Variants in PBX4 observed in about 807,000 individuals in gnomAD.
The protein encoded by PBX4 is PBX homeobox 4.
In PBX4, 26 loss-of-function variants were observed where a neutral mutation model predicts 35.1. That is an observed-to-expected ratio of 0.74 (90% confidence interval 0.54 to 1.03). The LOEUF is 1.03. PBX4 is among the 50% of genes least tolerant of loss of function. The pLI is 0.00. For missense variants in PBX4, 448 were observed against 504.3 expected (o/e 0.89, Z 1.07); for synonymous variants, 199 against 204.2 (o/e 0.97, Z 0.22).
chr19:19,574,877 G>C (rs1022866665), intron 2 of PBX4, among the ~76,000 whole-genome samples: 5 of 151,886 alleles, frequency 3.3e-5, no homozygotes, highest in African/African-American at 1.2e-4. Context: ...TAGAGACGGG[G>C]TTTCACCATG....
chr19:19,578,279 C>A (rs944790964), intron 2 of PBX4, among the ~76,000 whole-genome samples: 1 of 152,148 alleles, frequency 6.6e-6, no homozygotes, highest in Non-Finnish European at 1.5e-5. Flanking sequence ...AAACGCTGTG[C>A]CTTGGTCACC....
chr19:19,579,774 T>C (rs1271402993), intron 2 of PBX4: 1 of 152,394 alleles, frequency 6.6e-6, no homozygotes, highest in Non-Finnish European at 1.5e-5. Flanking sequence ...TGGAATTACA[T>C]AGAACCGCAG....
At chr19:19,599,045 C>T (rs1027698321) in intron 2 of PBX4, among the ~76,000 whole-genome samples, 2 of 151,496 alleles carry the variant, frequency 1.3e-5, no homozygotes, top group East Asian at 3.9e-4. Flanking sequence ...CTTGGCTCAC[C>T]GCAACCTCCA....
rs1038867805 is a variant in PBX4, at chr19:19,561,943, T to G, written c.*82A>C. On this transcript the variant is annotated 3_prime_UTR_variant, in exon 8 of 8. Coordinates refer to ENST00000251203, the MANE Select transcript of PBX4 (RefSeq NM_025245.3). ...CACCCATCTGGGTTTTCTGAGGTCG[T>G]CGGCGGCACGTTCAGTAACAAAGCA... 9.5e-6 allele frequency: 12 copies of G among 1,266,248 alleles called. No homozygotes were observed. The highest frequency in any genetic ancestry group is 5.6e-5 in the East Asian group (2 of 35,856). 78.4% of individuals were successfully genotyped at this position (1,266,248 alleles called of 1,614,324 possible).
chr19:19,613,587 G>T (rs1019072976), intron 1 of PBX4, among the ~76,000 whole-genome samples: 1 of 152,094 alleles, frequency 6.6e-6, no homozygotes. Flanking sequence ...CCTGAGGAAG[G>T]CCACATCTGA....
At chr19:19,565,120 T>G in intron 5 of PBX4, 31 bp from the exon 6 acceptor site, 1 of 1,613,586 alleles carries the variant, frequency 6.2e-7, no homozygotes, top group Non-Finnish European at 8.5e-7. Flanking sequence ...CTGGAGGAGC[T>G]GACCCAGCGA....
At chr19:19,571,693 G>C (rs977926099) in intron 2 of PBX4, among the ~76,000 whole-genome samples, 3 of 152,142 alleles carry the variant, frequency 2.0e-5, no homozygotes, top group Admixed American at 6.5e-5. Flanking sequence ...ATTCTCCCAA[G>C]TAAAAAGCCT....
At position 19,563,597 on chromosome 19, in the gene PBX4, G is replaced by T. The variant is rs1037751245; in HGVS notation, c.944C>A (p.Pro315Gln). 6.5e-7 allele frequency: 1 copy of T among 1,549,884 alleles called. No homozygotes were observed. Among genetic ancestry groups the T allele is most frequent in the Non-Finnish European group, 8.7e-7 (1 of 1,146,986 alleles). ...GAAGGCGTCCCCAGCGCTGGGCAGC[G>T]GGAAGGGTCCAGAGGAGCCTGGAAG... Reference protein sequence around the residue: ...TPSSGSSGPFPLPSAGDAFLT... With the variant: ...TPSSGSSGPFQLPSAGDAFLT... The change falls in exon 7 of 8, where the codon CCG becomes CAG. Residue 315 changes from proline (P) to glutamine (Q), a missense_variant. Transcript: ENST00000251203. This position sits in a 1 kb window ranked among gnomAD's most constrained non-coding sequence, Gnocchi z 5.1.
intron 1 of PBX4, among the ~76,000 whole-genome samples, chr19:19,604,535 T>A (rs1251180767): frequency 6.7e-6 from 1 of 149,750 alleles, no homozygotes; most frequent in East Asian, 2.0e-4. Flanking sequence ...AAATATAAAA[T>A]GTTTGTGGGG....
At chr19:19,581,905 A>T (rs938979899) in intron 2 of PBX4, among the ~76,000 whole-genome samples, 1 of 152,110 alleles carries the variant, frequency 6.6e-6, no homozygotes, top group Admixed American at 6.5e-5. Flanking sequence ...TGGTGCTCTG[A>T]GCAGCAGGAG....
intron 1 of PBX4, among the ~76,000 whole-genome samples, chr19:19,599,777 A>C (rs985022267): frequency 4.6e-5 from 7 of 152,096 alleles, no homozygotes; most frequent in African/African-American, 1.7e-4. Flanking sequence ...GTTCGAGACC[A>C]GCCTGGCCAG....
Position 19,561,966 on chromosome 19 carries a change from G to T in PBX4, c.*59C>A. On this transcript the variant is annotated 3_prime_UTR_variant, in exon 8 of 8. Transcript: ENST00000251203. ...CGTCGGCGGCACGTTCAGTAACAAA[G>T]CAACGGCTGGCGATACATGGCAGCT... is the stretch of plus-strand genomic sequence containing the variant. 2 of 1,459,624 alleles carry T rather than the reference G, an allele frequency of 1.4e-6. No homozygotes were observed. Among genetic ancestry groups the T allele is most frequent in the Non-Finnish European group, 9.4e-7 (1 of 1,064,134 alleles). 90.4% of individuals were successfully genotyped at this position (1,459,624 alleles called of 1,614,324 possible).
chr19:19,564,124 C>T (rs1427330225), intron 6 of PBX4, among the ~76,000 whole-genome samples: 5 of 144,860 alleles, frequency 3.5e-5, no homozygotes, highest in Non-Finnish European at 7.6e-5. Flanking sequence ...GTATATCTCC[C>T]AATGCTATCC....
intron 6 of PBX4, among the ~76,000 whole-genome samples, chr19:19,564,514 C>T (rs771083818): frequency 2.0e-5 from 3 of 152,072 alleles, no homozygotes; most frequent in Admixed American, 6.6e-5. Context: ...CCGCCCGCCT[C>T]GGCCTGGGAT....
Position 19,569,603 on chromosome 19 carries a change from T to C in PBX4, c.633-19A>G. On this transcript the variant is annotated intron_variant, in intron 4 of 7. Transcript: ENST00000251203. ...CTTGCGCCTGCAAAAACAGCCGCCT[T>C]CGTAGGCATTAATATGCTGGGACTC... 1 of 1,611,948 alleles carries C rather than the reference T, an allele frequency of 6.2e-7. No homozygotes were observed. The highest frequency in any genetic ancestry group is 8.5e-7 in the Non-Finnish European group (1 of 1,178,972).
Position 19,590,971 on chromosome 19 carries a change from C to T in PBX4, c.193+8321G>A, listed in dbSNP as rs554268274. 1.2e-4 allele frequency among the ~76,000 whole-genome samples: 18 copies of T among 152,282 alleles called. No individual in the cohort carries two copies. The South Asian group carries it at 3.7e-3, about 32-fold the overall frequency. On this transcript the variant is annotated intron_variant, in intron 2 of 7. Coordinates refer to ENST00000251203, the MANE Select transcript of PBX4 (RefSeq NM_025245.3). Reference sequence around the variant, plus strand: ...GTGGCTGGTGTGGCTGAGGAATGCACTGGTTAATTGCATTTGGTTTTAATT... The same window carrying T: ...GTGGCTGGTGTGGCTGAGGAATGCATTGGTTAATTGCATTTGGTTTTAATT...
At chr19:19,604,087 C>A (rs1434115115) in intron 1 of PBX4, among the ~76,000 whole-genome samples, 1 of 151,996 alleles carries the variant, frequency 6.6e-6, no homozygotes, top group Non-Finnish European at 1.5e-5. Context: ...GTCATCCAAG[C>A]GTCCATTATT....
chr19:19,609,505 C>T (rs1472651038), intron 1 of PBX4, among the ~76,000 whole-genome samples: 6 of 140,062 alleles, frequency 4.3e-5, no homozygotes, highest in African/African-American at 1.6e-4. Flanking sequence ...GCCGAAATCG[C>T]GCCATTGCAC....
chr19:19,589,536 G>A (rs976373630), intron 2 of PBX4, among the ~76,000 whole-genome samples: 4 of 152,094 alleles, frequency 2.6e-5, no homozygotes, highest in African/African-American at 7.2e-5. Context: ...TTGGGAGGCC[G>A]AGGCGGGTGG....
Sources: allele counts gnomAD v4.1 joint callset (sites outside exome capture counted in the v4.1 genomes callset), GRCh38; gene constraint gnomAD v4.1.1; non-coding constraint Gnocchi (gnomAD v3.1); transcripts MANE v1.5; gene names NCBI Gene and HGNC (gene_info 2026-07-23, HGNC 2026-07-21).